Variants in CASKIN1 observed in about 807,000 individuals in gnomAD.
The protein encoded by CASKIN1 is caskin-1.
CASKIN1 carries 42 observed loss-of-function variants against 117.5 expected under a neutral mutation model. The observed-to-expected ratio is 0.36, with a 90% CI of 0.28 to 0.46. The LOEUF is 0.46. Among genes scored for constraint, CASKIN1 ranks in the 20% least tolerant of loss-of-function variants. The probability of loss-of-function intolerance (pLI) is 1.00; values close to 1 mark genes in which losing one functional copy is unlikely to be tolerated. For synonymous variants in CASKIN1, 1,148 were observed against 961.7 expected (o/e 1.19, Z -3.59); for missense variants, 2,083 against 2,077.3 (o/e 1.00, Z -0.05).
At position 2,179,396 on chromosome 16, in the gene CASKIN1, G is replaced by A; in HGVS notation, c.3776-71C>T. The stretch of plus-strand genomic sequence containing the variant: ...GCCGCGCCCCCTGCCCCAGCCTCCC[G>A]CGGCTTCCTCCCCAGCGGACCGGGA... On this transcript the variant is annotated intron_variant, in intron 18 of 19. Coordinates refer to ENST00000343516, the MANE Select transcript of CASKIN1 (RefSeq NM_020764.4). The surrounding 1 kb of genome is among the most constrained non-coding windows in gnomAD (Gnocchi z 5.8). The A allele has an allele frequency of 1.5e-6, 2 of 1,333,284 alleles. No homozygotes were observed. Among genetic ancestry groups the A allele is most frequent in the Non-Finnish European group, 9.5e-7 (1 of 1,048,224 alleles). The allele number at this position is 1,333,284 out of a possible 1,614,324, so 82.6% of individuals were successfully genotyped here. A position where few individuals can be genotyped will look rare whatever the true frequency, so the allele number is the denominator to read the frequency against.
At position 2,185,106 on chromosome 16, in the gene CASKIN1, C is replaced by G; in HGVS notation, c.1239+5G>C. ...CACCCTGGCCCTGGCCACTACCCCA[C>G]CTACCTTGACGCCTTCAGAGCCCGC... On this transcript the variant is annotated splice_donor_5th_base_variant and intron_variant, in intron 12 of 19. Transcript: ENST00000343516. 6.2e-7 allele frequency: 1 copy of G among 1,609,464 alleles called. No homozygotes were observed. Among genetic ancestry groups the G allele is most frequent in the Middle Eastern group, 1.7e-4 (1 of 6,052 alleles).
Position 2,180,087 on chromosome 16 carries a change from C to T in CASKIN1, c.3281G>A (p.Gly1094Asp). ...ACCCCGAGGCCGCTGCCGGCCAGTG[C>T]CATCCTCCACAAAGGGGCCTGGGTC... ...SADPGPFVED[G>D]TGRQRPRGPS... is the part of the protein sequence containing the mutation. The change falls in exon 18 of 20, where the codon GGC becomes GAC. Residue 1094 changes from glycine to aspartate, a missense_variant. By Grantham distance (94) the Gly-to-Asp change is moderately conservative. This residue lies in a region of CASKIN1 where 1,818 missense variants were observed against 1,688.9 expected (regional missense o/e 1.08). Coordinates refer to ENST00000343516, the MANE Select transcript of CASKIN1 (RefSeq NM_020764.4). The T allele has an allele frequency of 6.4e-7, 1 of 1,564,734 alleles. No individual in the cohort carries two copies.
At chr16:2,188,897 C>T in intron 6 of CASKIN1, 130 bp downstream of exon 6, 1 of 1,340,716 alleles carries the variant, frequency 7.5e-7, no homozygotes, top group South Asian at 1.4e-5. Flanking sequence ...ATGCCAGAGG[C>T]CTGACCAGGG....
chr16:2,192,738 C>G (rs1397188391), intron 1 of CASKIN1, among the ~76,000 whole-genome samples: 2 of 152,202 alleles, frequency 1.3e-5, no homozygotes, highest in African/African-American at 4.8e-5. Flanking sequence ...TCACCACCAG[C>G]CACGTCAACC....
intron 10 of CASKIN1, among the ~76,000 whole-genome samples, chr16:2,186,365 C>T (rs1347963392): frequency 6.6e-6 from 1 of 152,192 alleles, no homozygotes; most frequent in East Asian, 1.9e-4. Context: ...CAAGCAGGCC[C>T]TCCCTGTGCT....
In CASKIN1 at chr16:2,179,140, G is replaced by C. The variant is rs2093157067; in HGVS notation, c.3961C>G (p.Leu1321Val). ...GGGGGCTTGGCGGGGCTGGCGCCCA[G>C]CGAGGGCGGCGTACCGGGCGGCTTG... ...LAKPPGTPPS[L>V]GASPAKPPSP... Residue 1321 changes from leucine (L) to valine (V), a missense_variant, in exon 19 of 20, where the codon CTG becomes GTG. By Grantham distance (32) the Leu-to-Val change is conservative. This residue lies in a region of CASKIN1 where 1,818 missense variants were observed against 1,688.9 expected (regional missense o/e 1.08). Coordinates refer to ENST00000343516, the MANE Select transcript of CASKIN1 (RefSeq NM_020764.4). The surrounding 1 kb of genome is among the most constrained non-coding windows in gnomAD (Gnocchi z 5.8). 9.6e-7 allele frequency: 1 copy of C among 1,046,838 alleles called. No individual in the cohort carries two copies. Among genetic ancestry groups the C allele is most frequent in the East Asian group, 7.3e-5 (1 of 13,740 alleles). 64.8% of individuals were successfully genotyped at this position (1,046,838 alleles called of 1,614,324 possible). A position where few individuals can be genotyped will look rare whatever the true frequency, so the allele number is the denominator to read the frequency against.
At position 2,187,019 on chromosome 16, in the gene CASKIN1, C is replaced by G. The variant is rs2093186914; in HGVS notation, c.889G>C (p.Asp297His). Reference protein sequence around the residue: ...RATKDYCNNYDLTSLNVKAGD... With the variant: ...RATKDYCNNYHLTSLNVKAGD... ...GCCTTCACGTTGAGGCTGGTCAGGT[C>G]GTAATTGTTGCAATAATCCTTGGTC... Residue 297 changes from aspartate to histidine, a missense_variant, in exon 9 of 20, where the codon GAC becomes CAC. By Grantham distance (81) the Asp-to-His change is moderately conservative. Transcript: ENST00000343516. The G allele has an allele frequency of 6.2e-7, 1 of 1,613,632 alleles. No homozygotes were observed.
chr16:2,192,896 G>A (rs372301187), intron 1 of CASKIN1, among the ~76,000 whole-genome samples: 5 of 152,208 alleles, frequency 3.3e-5, no homozygotes, highest in African/African-American at 7.2e-5. Context: ...GGACTGGATC[G>A]ATCTCCTCAT....
rs765234991 is a variant in CASKIN1 at position 2,184,739 on chromosome 16, C to T, written c.1416+38G>A. 6.2e-6 allele frequency: 9 copies of T among 1,454,466 alleles called. No homozygotes were observed. The African/African-American group carries it at 1.0e-4, about 16-fold the overall frequency. 90.1% of individuals were successfully genotyped at this position (1,454,466 alleles called of 1,614,324 possible). A position where few individuals can be genotyped will look rare whatever the true frequency, so the allele number is the denominator to read the frequency against. ...CAGCCCATCGGCCTTACAGCCTCTC[C>T]CCGGAGCCCACGCTGAGAACACCCC... On this transcript the variant is annotated intron_variant, in intron 14 of 19. Transcript: ENST00000343516.
In CASKIN1 at chr16:2,179,338, C is replaced by A. The variant is rs1353203627; in HGVS notation, c.3776-13G>T. ...GCGCGCTTCACCTCTGCGGGGAGGACCACGCTGGCACCGAGCGGGCACGAG... is the reference window on the plus strand; with the variant it reads ...GCGCGCTTCACCTCTGCGGGGAGGAACACGCTGGCACCGAGCGGGCACGAG... On this transcript the variant is annotated splice_polypyrimidine_tract_variant and intron_variant, in intron 18 of 19. Coordinates refer to ENST00000343516, the MANE Select transcript of CASKIN1 (RefSeq NM_020764.4). This position sits in a 1 kb window ranked among gnomAD's most constrained non-coding sequence, Gnocchi z 5.8. 104 of 1,291,726 alleles carry A rather than the reference C, an allele frequency of 8.1e-5. No homozygotes were observed. Among genetic ancestry groups the A allele is most frequent in the Non-Finnish European group, 9.6e-5 (98 of 1,024,352 alleles). 80.0% of individuals were successfully genotyped at this position (1,291,726 alleles called of 1,614,324 possible).
rs1204920889 is a variant in CASKIN1 at position 2,189,177 on chromosome 16, T to C, written c.487-20A>G. The C allele has an allele frequency of 4.3e-6, 7 of 1,612,366 alleles. No homozygotes were observed. In the African/African-American group the frequency reaches 6.7e-5, roughly 15 times the overall value. On this transcript the variant is annotated intron_variant, in intron 5 of 19. Transcript: ENST00000343516. Reference sequence around the variant, plus strand: ...GACCACCTTGAAGGAGGGGTCAGGGTAGGGGGGTCCTGATGTGGGGCTCCC... The same window carrying C: ...GACCACCTTGAAGGAGGGGTCAGGGCAGGGGGGTCCTGATGTGGGGCTCCC...
intron 10 of CASKIN1, among the ~76,000 whole-genome samples, chr16:2,186,474 C>A (rs530506083): frequency 6.6e-6 from 1 of 152,292 alleles, no homozygotes; most frequent in East Asian, 1.9e-4. Context: ...GTTCTAGTGG[C>A]CGGTTCAGAA....
At chr16:2,194,700 G>A (rs1020442511) in intron 1 of CASKIN1, among the ~76,000 whole-genome samples, 3 of 152,158 alleles carry the variant, frequency 2.0e-5, no homozygotes, top group Admixed American at 6.5e-5. Context: ...AGCAGGAGCC[G>A]GGGCCAGGGC....
chr16:2,182,016 G>T lies in CASKIN1; in HGVS notation c.1630-87C>A. ...TGGAGCTGGAGGAGGAAGGGTCACC[G>T]GGCCAGCAGGGCACAGACAGACAGG... is the stretch of plus-strand genomic sequence containing the variant. On this transcript the variant is annotated intron_variant, in intron 16 of 19. Transcript: ENST00000343516. The surrounding 1 kb of genome is among the most constrained non-coding windows in gnomAD (Gnocchi z 4.1). 1 of 1,569,414 alleles carries T rather than the reference G, an allele frequency of 6.4e-7. No individual in the cohort carries two copies. The highest frequency in any genetic ancestry group is 1.3e-5 in the African/African-American group (1 of 74,282).
At chr16:2,188,903 C>G in intron 6 of CASKIN1, 124 bp downstream of exon 6, 1 of 1,398,738 alleles carries the variant, frequency 7.1e-7, no homozygotes, top group Non-Finnish European at 9.6e-7. Context: ...GAGGCCTGAC[C>G]AGGGACCTGG....
chr16:2,180,451 C>T lies in CASKIN1; in HGVS notation c.2917G>A (p.Glu973Lys). 6.4e-7 allele frequency: 1 copy of T among 1,558,980 alleles called. No individual in the cohort carries two copies. The highest frequency in any genetic ancestry group is 8.6e-7 in the Non-Finnish European group (1 of 1,159,422). The change falls in exon 18 of 20, where the codon GAG becomes AAG. Residue 973 changes from glutamate to lysine, a missense_variant. Glu to Lys is a moderately conservative substitution (Grantham distance 56). Transcript: ENST00000343516. ...GCCCGGACCCCCAGCAGGCCATCCTCAGGCTCGGCGTCAGGCACCGGCTCA... is the reference window on the plus strand; with the variant it reads ...GCCCGGACCCCCAGCAGGCCATCCTTAGGCTCGGCGTCAGGCACCGGCTCA... ...ADEPVPDAEP[E>K]DGLLGVRAQC... is the part of the protein sequence containing the mutation.
chr16:2,194,625 C>T (rs1049893238), intron 1 of CASKIN1, among the ~76,000 whole-genome samples: 5 of 152,204 alleles, frequency 3.3e-5, no homozygotes, highest in African/African-American at 7.2e-5. Context: ...GTTGCCATGA[C>T]GACGGAGCTA....
rs1268337208 is a variant in CASKIN1 at position 2,177,677 on chromosome 16, G to C, written c.*873C>G. 2 of 242,304 alleles carry C rather than the reference G, an allele frequency of 8.3e-6. No individual in the cohort carries two copies. Among genetic ancestry groups the C allele is most frequent in the Non-Finnish European group, 1.6e-5 (2 of 123,196 alleles). 15.0% of individuals were successfully genotyped at this position (242,304 alleles called of 1,614,324 possible). On this transcript the variant is annotated 3_prime_UTR_variant, in exon 20 of 20. Transcript: ENST00000343516. ...AGAGGAGCTGCAAGCCCGTGGCCTGGCCTGCTACATGCCCTGCTTCCACGT... is the reference window on the plus strand; with the variant it reads ...AGAGGAGCTGCAAGCCCGTGGCCTGCCCTGCTACATGCCCTGCTTCCACGT...
intron 17 of CASKIN1, 50 bp from the exon 18 acceptor site, chr16:2,181,649 AGGGGCCGGGCTAGGGGCG>A: frequency 5.0e-6 from 1 of 201,794 alleles, no homozygotes; most frequent in Non-Finnish European, 7.6e-6. Context: ...GCGGAGGGGC[AGGGGCCGGGCTAGGGGCG>A]GGGCTGGGCT....
Sources: allele counts gnomAD v4.1 joint callset (sites outside exome capture counted in the v4.1 genomes callset), GRCh38; gene constraint gnomAD v4.1.1; regional missense constraint gnomAD v4.1.1; non-coding constraint Gnocchi (gnomAD v3.1); transcripts MANE v1.5; gene names NCBI Gene and HGNC (gene_info 2026-07-23, HGNC 2026-07-21).